Variants in RYR3 observed in about 807,000 individuals in gnomAD.
RYR3 encodes the protein ryanodine receptor 3, also known as brain ryanodine receptor-calcium release channel.
Under a neutral mutation model 584.3 loss-of-function variants are expected in RYR3, and 207 were observed. The observed-to-expected ratio is 0.35, with a 90% confidence interval of 0.32 to 0.40. The LOEUF (loss-of-function observed/expected upper bound fraction) is 0.40, where lower values mean the gene tolerates loss of function less well. Ranked by LOEUF, RYR3 falls within the 10% of genes least tolerant of loss-of-function variation. RYR3 has a pLI of 1.00. For synonymous variants in RYR3, 2,416 were observed against 2,248.5 expected (o/e 1.07, Z -2.11); for missense variants, 5,616 against 6,089.2 (o/e 0.92, Z 2.59).
intron 45 of RYR3, among the ~76,000 whole-genome samples, chr15:33,725,977 A>AAAG (rs2068403720): frequency 2.0e-4 from 1 of 4,960 alleles, no homozygotes; most frequent in Non-Finnish European, 5.2e-4. Flanking sequence ...CCCCCCCCCC[A>AAAG]AAAAAAAAAA....
chr15:33,620,289 G>A (rs1178613949), intron 19 of RYR3, among the ~76,000 whole-genome samples: 4 of 152,080 alleles, frequency 2.6e-5, no homozygotes, highest in East Asian at 3.9e-4. Context: ...AAGCTTCCAC[G>A]TGGTTTCTTG....
intron 1 of RYR3, among the ~76,000 whole-genome samples, chr15:33,439,001 G>A (rs1048849277): frequency 4.6e-5 from 7 of 152,064 alleles, no homozygotes; most frequent in African/African-American, 1.7e-4. Context: ...CCCAAGAGTC[G>A]AGCAGTATTA....
intron 1 of RYR3, among the ~76,000 whole-genome samples, chr15:33,320,189 C>T (rs1595703282): frequency 6.6e-6 from 1 of 152,194 alleles, no homozygotes; most frequent in African/African-American, 2.4e-5. Flanking sequence ...GCTCACAATA[C>T]ACATCATGGT....
intron 28 of RYR3, among the ~76,000 whole-genome samples, chr15:33,645,702 C>T (rs940948456): frequency 6.6e-6 from 1 of 152,204 alleles, no homozygotes; most frequent in Non-Finnish European, 1.5e-5. Flanking sequence ...GTTCACTTCC[C>T]TTGTATCCCC....
chr15:33,584,725 C>T (rs2058757577), intron 15 of RYR3, among the ~76,000 whole-genome samples: 2 of 152,098 alleles, frequency 1.3e-5, no homozygotes, highest in Admixed American at 6.5e-5. Context: ...TCTGTGCCTT[C>T]ATTGTTATTC....
chr15:33,743,694 A>G (rs1218424442), intron 52 of RYR3, among the ~76,000 whole-genome samples: 1 of 152,172 alleles, frequency 6.6e-6, no homozygotes, highest in Non-Finnish European at 1.5e-5. Context: ...AGTCTCTCTT[A>G]TATCTGTATA....
Position 33,566,688 on chromosome 15 carries a change from A to G in RYR3, c.1157A>G (p.His386Arg), listed in dbSNP as rs759551484. Reference protein sequence around the residue: ...LGPLKRKVILHQEGHMDDGLT... With the variant: ...LGPLKRKVILRQEGHMDDGLT... ...TTGCCCTGTGGGTAGGTCATACTCC[A>G]TCAGGAAGGCCACATGGATGATGGA... The change falls in exon 12 of 104, where the codon CAT becomes CGT. Residue 386 changes from histidine (H) to arginine (R), a missense_variant. Transcript: ENST00000634891. 6.2e-6 allele frequency: 10 copies of G among 1,613,718 alleles called. No individual in the cohort carries two copies. The East Asian group carries it at 1.8e-4, about 29-fold the overall frequency.
At chr15:33,547,110 C>T (rs1567504054) in intron 8 of RYR3, among the ~76,000 whole-genome samples, 1 of 152,176 alleles carries the variant, frequency 6.6e-6, no homozygotes, top group Non-Finnish European at 1.5e-5. Context: ...GCCCCGATCA[C>T]AGGTTATACA....
At position 33,857,788 on chromosome 15, in the gene RYR3, G is replaced by C; in HGVS notation, c.14016G>C (p.Leu4672=). 2 of 1,613,994 alleles carry C rather than the reference G, an allele frequency of 1.2e-6. No individual in the cohort carries two copies. Among genetic ancestry groups the C allele is most frequent in the Middle Eastern group, 1.6e-4 (1 of 6,062 alleles). Reference sequence around the variant, plus strand: ...TGTCCTCTCATTCCCAGTTGGTTCTGACTGTCGGTCTCCTGGCCGTGGTGG... The same window carrying C: ...TGTCCTCTCATTCCCAGTTGGTTCTCACTGTCGGTCTCCTGGCCGTGGTGG... ...SVTHNGKQLV[L]TVGLLAVVVY... is the part of the protein sequence containing the mutation. The change falls in exon 99 of 104, where the codon CTG becomes CTC. Residue 4672 remains leucine (L), a synonymous_variant. Transcript: ENST00000634891.
intron 36 of RYR3, among the ~76,000 whole-genome samples, chr15:33,665,682 C>T (rs189436081): frequency 2.0e-5 from 3 of 152,364 alleles, no homozygotes; most frequent in East Asian, 3.9e-4. Context: ...TTTAGATCCA[C>T]TGCCAGTCTA....
chr15:33,578,828 T>G (rs2058448544), intron 12 of RYR3, among the ~76,000 whole-genome samples: 2 of 151,580 alleles, frequency 1.3e-5, no homozygotes, highest in African/African-American at 2.4e-5. Flanking sequence ...TTGAGCCAAT[T>G]CTCAATCACT....
rs1256480320 is a variant in RYR3, at chr15:33,584,445, C to T, written c.1624C>T (p.Leu542Phe). 5.0e-6 allele frequency: 8 copies of T among 1,605,756 alleles called. No individual in the cohort carries two copies. The highest frequency in any genetic ancestry group is 1.1e-5 in the South Asian group (1 of 90,314). The change falls in exon 15 of 104, where the codon CTT (leucine) becomes TTT (phenylalanine). Residue 542 changes from leucine (L) to phenylalanine (F), a missense_variant. Physicochemically the swap from Leu to Phe is conservative, Grantham distance 22. This residue lies in a region of RYR3 where 1,284 missense variants were observed against 1,344.6 expected (regional missense o/e 0.95). Coordinates refer to ENST00000634891, the MANE Select transcript of RYR3 (RefSeq NM_001036.6). ...RNNCAQFSNN[L>F]DWLISKLDRL... is the part of the protein sequence containing the mutation. ...CAATTGCGCTCAATTCTCCAATAAC[C>T]TTGATTGGCTCATCAGTAAATTGGA...
intron 10 of RYR3, among the ~76,000 whole-genome samples, chr15:33,553,704 C>T (rs1050575621): frequency 3.3e-5 from 5 of 152,190 alleles, no homozygotes; most frequent in African/African-American, 1.2e-4. Context: ...TTCCAAAATA[C>T]AGCATCCCAG....
chr15:33,593,982 A>G (rs1163941621), intron 16 of RYR3, among the ~76,000 whole-genome samples: 2 of 152,166 alleles, frequency 1.3e-5, no homozygotes, highest in Non-Finnish European at 2.9e-5. Context: ...GGAATCTCAG[A>G]TACAACTTCT....
At chr15:33,628,699 C>T (rs950763263) in intron 21 of RYR3, 124 bp downstream of exon 21, 6 of 634,380 alleles carry the variant, frequency 9.5e-6, no homozygotes, top group Non-Finnish European at 1.7e-5. Context: ...GAGACCAGGT[C>T]TTCACAGACA....
intron 1 of RYR3, among the ~76,000 whole-genome samples, chr15:33,419,748 C>G (rs1396149497): frequency 6.6e-6 from 1 of 152,014 alleles, no homozygotes; most frequent in Non-Finnish European, 1.5e-5. Flanking sequence ...TAGTATGGTA[C>G]CAACTTGAAT....
chr15:33,578,785 C>CAACA (rs1567582232), intron 12 of RYR3, among the ~76,000 whole-genome samples: 57 of 149,672 alleles, frequency 3.8e-4, no homozygotes, highest in South Asian at 4.2e-4. Flanking sequence ...AAAACAACAA[C>CAACA]AAAAAAAAAC....
intron 47 of RYR3, among the ~76,000 whole-genome samples, chr15:33,729,361 G>A (rs886239415): frequency 1.3e-5 from 2 of 151,964 alleles, no homozygotes; most frequent in Admixed American, 6.6e-5. Context: ...CCAGTTCACC[G>A]CGAATCCCTG....
chr15:33,701,995 A>C (rs1260363024), intron 42 of RYR3, among the ~76,000 whole-genome samples: 3 of 152,182 alleles, frequency 2.0e-5, no homozygotes, highest in Non-Finnish European at 4.4e-5. Flanking sequence ...AAAGAAATTC[A>C]TGCTCATACA....
Sources: allele counts gnomAD v4.1 joint callset (sites outside exome capture counted in the v4.1 genomes callset), GRCh38; gene constraint gnomAD v4.1.1; regional missense constraint gnomAD v4.1.1; transcripts MANE v1.5; gene names NCBI Gene and HGNC (gene_info 2026-07-23, HGNC 2026-07-21).